Variants in TMEFF1 observed in about 807,000 individuals in gnomAD.
TMEFF1 encodes tomoregulin-1.
A neutral mutation model predicts 47.5 loss-of-function variants in TMEFF1; 20 were observed. The ratio of observed to expected loss-of-function variants is 0.42; its 90% CI spans 0.30 to 0.61. TMEFF1 has a LOEUF of 0.61. Among genes scored for constraint, TMEFF1 ranks in the 20% least tolerant of loss-of-function variants. TMEFF1 has a pLI of 0.19. For missense variants in TMEFF1, 411 were observed against 471.1 expected (o/e 0.87, Z 1.18); for synonymous variants, 162 against 166.3 (o/e 0.97, Z 0.20).
chr9:100,535,196 A>G (rs1282809050), intron 5 of TMEFF1, among the ~76,000 whole-genome samples: 5 of 152,150 alleles, frequency 3.3e-5, no homozygotes, highest in Non-Finnish European at 7.4e-5. Flanking sequence ...GTTGAGCTGT[A>G]CTTTTTTCCC....
At chr9:100,516,423 A>C (rs1195598199) in intron 4 of TMEFF1, among the ~76,000 whole-genome samples, 2 of 152,186 alleles carry the variant, frequency 1.3e-5, no homozygotes, top group East Asian at 1.9e-4. Flanking sequence ...TATCAAACCT[A>C]CTGTGTAGTT....
At chr9:100,576,001 T>G (rs548890909) in intron 9 of TMEFF1, among the ~76,000 whole-genome samples, 98 of 152,286 alleles carry the variant, frequency 6.4e-4, no homozygotes, top group African/African-American at 2.3e-3. Context: ...TTTGAGTCAT[T>G]GTCTAAAATC....
intron 9 of TMEFF1, among the ~76,000 whole-genome samples, chr9:100,575,324 T>C (rs751683915): frequency 8.5e-5 from 13 of 152,164 alleles, no homozygotes; most frequent in Admixed American, 3.3e-4. Context: ...TTCAGACTCA[T>C]AGAATGACAG....
intron 5 of TMEFF1, among the ~76,000 whole-genome samples, chr9:100,518,025 T>A (rs989042624): frequency 2.6e-5 from 4 of 152,178 alleles, no homozygotes; most frequent in Non-Finnish European, 5.9e-5. Flanking sequence ...ATTGGTCTGT[T>A]TTTATTCCTT....
At chr9:100,525,351 C>G (rs998048751) in intron 5 of TMEFF1, among the ~76,000 whole-genome samples, 1 of 152,096 alleles carries the variant, frequency 6.6e-6, no homozygotes, top group Non-Finnish European at 1.5e-5. Flanking sequence ...GCCCAGATGA[C>G]CATAAATTTT....
At chr9:100,506,766 C>CAAAAAA (rs58345253) in intron 2 of TMEFF1, among the ~76,000 whole-genome samples, 5 of 43,368 alleles carry the variant, frequency 1.2e-4, no homozygotes, top group Admixed American at 2.3e-4. Flanking sequence ...GACTCCATCT[C>CAAAAAA]AAAAAAAAAA....
At chr9:100,522,928 T>C (rs952338947) in intron 5 of TMEFF1, among the ~76,000 whole-genome samples, 3 of 152,054 alleles carry the variant, frequency 2.0e-5, no homozygotes, top group Non-Finnish European at 4.4e-5. Context: ...TTAGTAGGGA[T>C]GGGGTTTCAC....
intron 1 of TMEFF1, among the ~76,000 whole-genome samples, chr9:100,490,106 T>C (rs569621993): frequency 6.6e-6 from 1 of 152,298 alleles, no homozygotes; most frequent in Middle Eastern, 3.4e-3. Context: ...TTGGCAGTAG[T>C]ATGCAAAATG....
intron 1 of TMEFF1, among the ~76,000 whole-genome samples, chr9:100,474,493 T>A (rs1837186157): frequency 6.6e-6 from 1 of 151,994 alleles, no homozygotes; most frequent in Admixed American, 6.6e-5. Context: ...TTAGTCACCC[T>A]GGGGTATGCA....
intron 7 of TMEFF1, among the ~76,000 whole-genome samples, chr9:100,555,138 T>G (rs931951469): frequency 3.3e-5 from 5 of 151,376 alleles, no homozygotes; most frequent in Admixed American, 3.3e-4. Flanking sequence ...GGTGACCAAG[T>G]ATACTTTTTA....
In TMEFF1 at chr9:100,561,320, G is replaced by A. The variant is rs769759375; in HGVS notation, c.776-77G>A. On this transcript the variant is annotated intron_variant, in intron 7 of 9. Transcript: ENST00000374879. ...TTGACAGTGGGTGAATTCATTTGCT[G>A]TTTCAGAACATTTGAAAAGTCCTTA... The A allele has an allele frequency of 3.7e-5, 58 of 1,556,764 alleles. 1 individual carries two copies. The South Asian group carries it at 5.0e-4, about 13-fold the overall frequency.
At chr9:100,567,322 C>T (rs1399555192) in intron 8 of TMEFF1, among the ~76,000 whole-genome samples, 1 of 152,156 alleles carries the variant, frequency 6.6e-6, no homozygotes, top group Admixed American at 6.5e-5. Context: ...CACGTGTTAC[C>T]TTCTTAACCT....
At chr9:100,543,630 G>A (rs1465707570) in intron 5 of TMEFF1, among the ~76,000 whole-genome samples, 1 of 151,060 alleles carries the variant, frequency 6.6e-6, no homozygotes, top group Non-Finnish European at 1.5e-5. Context: ...ACTTCCCTGG[G>A]CCACATTGGA....
At chr9:100,551,361 G>A (rs573222592) in intron 7 of TMEFF1, among the ~76,000 whole-genome samples, 11 of 152,302 alleles carry the variant, frequency 7.2e-5, no homozygotes, top group African/African-American at 2.4e-4. Flanking sequence ...TGAAACCTGA[G>A]TTAGTTATAA....
chr9:100,562,565 C>CT (rs976944317), intron 8 of TMEFF1, among the ~76,000 whole-genome samples: 6 of 150,560 alleles, frequency 4.0e-5, no homozygotes, highest in African/African-American at 1.2e-4. Flanking sequence ...GCCTTCTCTT[C>CT]TTTTTTTTGT....
At chr9:100,518,446 G>A in intron 5 of TMEFF1, 1 of 985,350 alleles carries the variant, frequency 1.0e-6, no homozygotes, top group Non-Finnish European at 1.2e-6. Flanking sequence ...TAAGGAAGTG[G>A]ACATAGACCA....
chr9:100,507,673 C>T (rs1837886929), intron 2 of TMEFF1, among the ~76,000 whole-genome samples: 1 of 151,988 alleles, frequency 6.6e-6, no homozygotes, highest in African/African-American at 2.4e-5. Flanking sequence ...CTGTTCATGT[C>T]CTTTGCCCTA....
chr9:100,525,307 C>T (rs1006720047), intron 5 of TMEFF1, among the ~76,000 whole-genome samples: 3 of 152,156 alleles, frequency 2.0e-5, no homozygotes, highest in African/African-American at 4.8e-5. Context: ...TTATAACCAG[C>T]TGCAAATGAG....
intron 5 of TMEFF1, among the ~76,000 whole-genome samples, chr9:100,544,527 G>T (rs550568409): frequency 2.0e-5 from 3 of 152,150 alleles, no homozygotes; most frequent in Non-Finnish European, 4.4e-5. Context: ...CCCACGACAC[G>T]TGGGAATTGT....
Sources: gnomAD v4.1 joint callset for allele counts (sites outside exome capture counted in the v4.1 genomes callset) on GRCh38, gnomAD v4.1.1 for gene constraint, MANE v1.5 for transcripts, NCBI Gene and HGNC (gene_info 2026-07-23, HGNC 2026-07-21) for gene names.